PALM2AKAP2: variants seen among roughly 807,000 people sequenced by gnomAD.
The protein encoded by PALM2AKAP2 is PALM2-AKAP2 fusion protein.
In PALM2AKAP2, 37 loss-of-function variants were observed where a neutral mutation model predicts 71.5. The ratio of observed to expected loss-of-function variants is 0.52; its 90% confidence interval spans 0.40 to 0.68. PALM2AKAP2 has a LOEUF of 0.68. Ranked by LOEUF, PALM2AKAP2 falls within the 30% of genes least tolerant of loss-of-function variation. PALM2AKAP2 has a pLI of 0.00. For synonymous variants in PALM2AKAP2, 468 were observed against 478.8 expected (o/e 0.98, Z 0.29); for missense variants, 1,224 against 1,191.8 (o/e 1.03, Z -0.40).
In PALM2AKAP2 at chr9:109,670,232, A is replaced by G. The variant is rs1159262727; in HGVS notation, c.5+29366A>G. Among the ~76,000 whole-genome samples the G allele has an allele frequency of 2.0e-5, 3 of 152,002 alleles. No homozygotes were observed. In the East Asian group the frequency reaches 5.8e-4, roughly 29 times the overall value. On this transcript the variant is annotated intron_variant, in intron 1 of 6. Coordinates refer to the PALM2AKAP2 transcript ENST00000374531. ...TCATCACCCAGGTATTATGTCTAGT[A>G]CCCATTAGTTGTTTTTCCTGATCCT...
At chr9:109,824,247 G>A (rs1828084884) in intron 1 of PALM2AKAP2, among the ~76,000 whole-genome samples, 1 of 152,176 alleles carries the variant, frequency 6.6e-6, no homozygotes, top group African/African-American at 2.4e-5. Context: ...GCTGGCAGAA[G>A]GATAAGGTGG....
intron 2 of PALM2AKAP2, among the ~76,000 whole-genome samples, chr9:110,154,586 A>G (rs1836401388): frequency 6.6e-6 from 1 of 152,194 alleles, no homozygotes; most frequent in Admixed American, 6.5e-5. Flanking sequence ...GCATTCCCTA[A>G]TTTCCGTAAT....
intron 6 of PALM2AKAP2, among the ~76,000 whole-genome samples, chr9:109,951,396 C>T (rs1831638072): frequency 6.6e-6 from 1 of 152,350 alleles, no homozygotes; most frequent in East Asian, 1.9e-4. Context: ...CTACCAGCGA[C>T]AGCTGATGCT....
intron 1 of PALM2AKAP2, among the ~76,000 whole-genome samples, chr9:109,733,789 C>G (rs1235378212): frequency 2.6e-5 from 4 of 152,170 alleles, no homozygotes; most frequent in Non-Finnish European, 5.9e-5. Context: ...ACTGCTACCA[C>G]GAATAGTGAT....
chr9:109,865,937 T>A (rs1306227037), intron 1 of PALM2AKAP2, among the ~76,000 whole-genome samples: 1 of 152,222 alleles, frequency 6.6e-6, no homozygotes, highest in Admixed American at 6.5e-5. Context: ...TCCACTGTCA[T>A]ATATTTTATG....
intron 1 of PALM2AKAP2, among the ~76,000 whole-genome samples, chr9:109,757,434 G>A (rs4978847): frequency 0.38 from 58,001 of 151,860 alleles, 11,223 homozygotes; most frequent in South Asian, 0.51. Flanking sequence ...AGTAACCATC[G>A]GTTTCCACCA....
chr9:109,677,628 A>G (rs1392156779), intron 1 of PALM2AKAP2, among the ~76,000 whole-genome samples: 2 of 151,452 alleles, frequency 1.3e-5, no homozygotes, highest in African/African-American at 4.9e-5. Flanking sequence ...AGATCGTGCC[A>G]CTGCACTCCA....
chr9:110,111,243 C>A (rs994481400), intron 1 of PALM2AKAP2, among the ~76,000 whole-genome samples: 8 of 151,848 alleles, frequency 5.3e-5, no homozygotes, highest in Admixed American at 3.3e-4. Context: ...AGGCATGCAC[C>A]ACCAAACCCG....
At chr9:109,826,082 G>C (rs1177934632) in intron 1 of PALM2AKAP2, among the ~76,000 whole-genome samples, 1 of 152,138 alleles carries the variant, frequency 6.6e-6, no homozygotes, top group Non-Finnish European at 1.5e-5. Flanking sequence ...GATGAAGCTG[G>C]AAGCCATCAT....
At chr9:109,726,029 C>T (rs1399545138) in intron 1 of PALM2AKAP2, among the ~76,000 whole-genome samples, 1 of 152,172 alleles carries the variant, frequency 6.6e-6, no homozygotes, top group Non-Finnish European at 1.5e-5. Context: ...TAGCTCTGCC[C>T]ATCACCCAGG....
intron 6 of PALM2AKAP2, among the ~76,000 whole-genome samples, chr9:109,933,764 C>T (rs1454139772): frequency 6.6e-6 from 1 of 152,136 alleles, no homozygotes; most frequent in African/African-American, 2.4e-5. Context: ...AGTTAATTTG[C>T]GTAAATGCAT....
rs148318337 is a variant in PALM2AKAP2 at position 109,675,493 on chromosome 9, C to T, written c.5+34627C>T. On this transcript the variant is annotated intron_variant, in intron 1 of 6. Transcript: ENST00000374531. ...AAAAGTTCTGAGTAGGCAAAAGTTG[C>T]CTCCATACTTGTTTGGCCATGGTTG... 3.5e-3 allele frequency among the ~76,000 whole-genome samples: 537 copies of T among 152,218 alleles called. 6 individuals carry two copies. Among genetic ancestry groups the T allele is most frequent in the African/African-American group, 0.012 (513 of 41,560 alleles).
chr9:109,981,380 G>A (rs1057155413), intron 6 of PALM2AKAP2, among the ~76,000 whole-genome samples: 7 of 152,178 alleles, frequency 4.6e-5, no homozygotes, highest in African/African-American at 1.7e-4. Flanking sequence ...TGCTTAGATG[G>A]GCTTGAAGGG....
At chr9:109,855,746 C>T (rs574058544) in intron 1 of PALM2AKAP2, among the ~76,000 whole-genome samples, 187 of 152,274 alleles carry the variant, frequency 1.2e-3, no homozygotes, top group Admixed American at 3.6e-3. Context: ...ATTAAATCCT[C>T]TTTCCTTATA....
intron 1 of PALM2AKAP2, among the ~76,000 whole-genome samples, chr9:109,749,216 A>T (rs1002801015): frequency 6.6e-6 from 1 of 152,056 alleles, no homozygotes; most frequent in Non-Finnish European, 1.5e-5. Flanking sequence ...AGTCCACTTG[A>T]CAGATCATGA....
intron 2 of PALM2AKAP2, among the ~76,000 whole-genome samples, chr9:109,875,672 G>A (rs754242161): frequency 8.5e-5 from 13 of 152,160 alleles, no homozygotes; most frequent in Non-Finnish European, 1.3e-4. Flanking sequence ...CTGGGAGGTC[G>A]TTAAAATTCA....
At position 110,136,509 on chromosome 9, in the gene PALM2AKAP2, G is replaced by GC; in HGVS notation, c.545dup (p.Val183CysfsTer11). 1 of 1,613,906 alleles carries GC rather than the reference G, an allele frequency of 6.2e-7. No homozygotes were observed. The highest frequency in any genetic ancestry group is 8.5e-7 in the Non-Finnish European group (1 of 1,180,036). On this transcript the variant is annotated frameshift_variant, in exon 2 of 4. Transcript: ENST00000374525. LOFTEE classifies it high-confidence loss of function. ...GCAGTGGTTCTGGTGGGCGGCCTAA[G>GC]CCCCCCTGTCCACGAGGCGACCCAG...
chr9:109,759,414 T>C (rs1036581356), intron 1 of PALM2AKAP2, among the ~76,000 whole-genome samples: 12 of 152,186 alleles, frequency 7.9e-5, no homozygotes, highest in Admixed American at 1.3e-4. Context: ...AAAACGGTGA[T>C]TCTTTAAGGT....
intron 7 of PALM2AKAP2, among the ~76,000 whole-genome samples, chr9:110,035,211 A>G (rs944050415): frequency 7.0e-6 from 1 of 142,698 alleles, no homozygotes; most frequent in Non-Finnish European, 1.5e-5. Flanking sequence ...GTGTGTGTGT[A>G]TATATATAAA....
Sources: gnomAD v4.1 joint callset for allele counts (sites outside exome capture counted in the v4.1 genomes callset) on GRCh38, gnomAD v4.1.1 for gene constraint, MANE v1.5 for transcripts, NCBI Gene and HGNC (gene_info 2026-07-23, HGNC 2026-07-21) for gene names.